ZNF503: variants seen among roughly 807,000 people sequenced by gnomAD.
ZNF503 encodes zinc finger protein 503.
Under a neutral mutation model 34.4 loss-of-function variants are expected in ZNF503, and 15 were observed. That is an observed-to-expected ratio of 0.44 (90% confidence interval 0.29 to 0.67). ZNF503 has a LOEUF of 0.67. Ranked by LOEUF, ZNF503 falls within the 30% of genes least tolerant of loss-of-function variation. The pLI, the probability that ZNF503 is intolerant of heterozygous loss-of-function variation, is 0.13. For synonymous variants in ZNF503, 580 were observed against 456.8 expected (o/e 1.27, Z -3.44); for missense variants, 1,007 against 926.8 (o/e 1.09, Z -1.12).
At chr10:75,348,672 C>T in the ZNF503 span, among the ~76,000 whole-genome samples, 17 of 151,816 alleles carry the variant, frequency 1.1e-4, no homozygotes, top group African/African-American at 1.4e-4. Context: ...CCACCACGCC[C>T]GGCTAATTTT....
chr10:75,324,335 T>C, the ZNF503 span, among the ~76,000 whole-genome samples: 1 of 151,666 alleles, frequency 6.6e-6, no homozygotes. Flanking sequence ...TCTGTTTTTT[T>C]TTTGAGACAG....
downstream of ZNF503, among the ~76,000 whole-genome samples, chr10:75,393,006 G>A (rs939365058): frequency 1.3e-5 from 2 of 152,210 alleles, no homozygotes; most frequent in African/African-American, 4.8e-5. Flanking sequence ...AGGTTAGACT[G>A]AACCTAAATC....
At chr10:75,390,140 G>A in the ZNF503 span, among the ~76,000 whole-genome samples, 3 of 150,076 alleles carry the variant, frequency 2.0e-5, no homozygotes, top group African/African-American at 4.9e-5. Context: ...CTCGTGATCC[G>A]CCTGCCTCAG....
At chr10:75,350,507 A>C in the ZNF503 span, 1 of 152,076 alleles carries the variant, frequency 6.6e-6, no homozygotes, top group Non-Finnish European at 1.5e-5. Context: ...TATTTTGCAG[A>C]CCCTTTAAGT....
Position 75,401,202 on chromosome 10 carries a change from G to A in ZNF503, c.218C>T (p.Pro73Leu), listed in dbSNP as rs772597500. The A allele has an allele frequency of 5.2e-5, 83 of 1,608,948 alleles. No individual in the cohort carries two copies. Among genetic ancestry groups the A allele is most frequent in the Non-Finnish European group, 6.7e-5 (79 of 1,177,102 alleles). Residue 73 changes from proline (P) to leucine (L), a missense_variant, in exon 1 of 2, where the codon CCA becomes CTA. Pro to Leu is a moderately conservative substitution (Grantham distance 98, BLOSUM62 -3). Coordinates refer to ENST00000372524, the MANE Select transcript of ZNF503 (RefSeq NM_032772.6). ...CGTCAGCATCTTCAGCACCTTGATT[G>A]GCAGGCGGTTGGCCTGGCGCAGGGG... ...SDPLRQANRLPIKVLKMLTAR... is the reference protein window; with the variant it reads ...SDPLRQANRLLIKVLKMLTAR...
the ZNF503 span, among the ~76,000 whole-genome samples, chr10:75,322,219 G>A: frequency 1.3e-5 from 2 of 151,616 alleles, no homozygotes; most frequent in Non-Finnish European, 2.9e-5. Context: ...CGCCTCCTGG[G>A]TTCAAGTGAT....
the ZNF503 span, among the ~76,000 whole-genome samples, chr10:75,370,778 C>CAAAAAAAAAAAAAAAAAA: frequency 4.4e-5 from 3 of 67,972 alleles, no homozygotes; most frequent in Non-Finnish European, 7.8e-5. Flanking sequence ...GGCTCCATCT[C>CAAAAAAAAAAAAAAAAAA]AAAAAAAAAA....
At chr10:75,306,385 A>G in the ZNF503 span, among the ~76,000 whole-genome samples, 1 of 151,934 alleles carries the variant, frequency 6.6e-6, no homozygotes, top group Non-Finnish European at 1.5e-5. Flanking sequence ...TCATTTTTGA[A>G]TTGGTTTGTC....
chr10:75,322,946 A>G, the ZNF503 span, among the ~76,000 whole-genome samples: 1 of 152,188 alleles, frequency 6.6e-6, no homozygotes, highest in Non-Finnish European at 1.5e-5. Flanking sequence ...TACATACAGT[A>G]AATTTTATTC....
At chr10:75,349,277 T>A in the ZNF503 span, among the ~76,000 whole-genome samples, 2 of 152,352 alleles carry the variant, frequency 1.3e-5, no homozygotes, top group African/African-American at 2.4e-5. Flanking sequence ...CAGTCTTTTT[T>A]AATGTAGAAC....
At chr10:75,342,183 G>A in the ZNF503 span, among the ~76,000 whole-genome samples, 1 of 152,094 alleles carries the variant, frequency 6.6e-6, no homozygotes, top group Non-Finnish European at 1.5e-5. Flanking sequence ...GGCTGGGTGG[G>A]GTGGGGTGGG....
downstream of ZNF503, among the ~76,000 whole-genome samples, chr10:75,396,514 CAA>C (rs145192547): frequency 0.012 from 1,900 of 152,228 alleles, 47 homozygotes; most frequent in African/African-American, 0.043. This position sits in a 1 kb window ranked among gnomAD's most constrained non-coding sequence, Gnocchi z 4.4. Flanking sequence ...TGGAAAATCT[CAA>C]AGTCACCAAT....
the ZNF503 span, among the ~76,000 whole-genome samples, chr10:75,339,021 A>C: frequency 1.3e-5 from 2 of 152,120 alleles, no homozygotes; most frequent in Non-Finnish European, 2.9e-5. Flanking sequence ...TGAGCTCAGG[A>C]GTTTGAGACC....
the ZNF503 span, among the ~76,000 whole-genome samples, chr10:75,343,969 T>C: frequency 6.6e-6 from 1 of 152,190 alleles, no homozygotes; most frequent in Non-Finnish European, 1.5e-5. Context: ...CTTCAGCTGG[T>C]GGTGGCAGGT....
At chr10:75,289,486 G>A in the ZNF503 span, among the ~76,000 whole-genome samples, 1 of 152,218 alleles carries the variant, frequency 6.6e-6, no homozygotes, top group Non-Finnish European at 1.5e-5. Flanking sequence ...GGGCCAACTC[G>A]AAGACTGGGG....
rs573799285 is a variant in ZNF503 at position 75,401,043 on chromosome 10, G to T, written c.315+62C>A. The T allele has an allele frequency of 1.9e-6, 3 of 1,607,760 alleles. 1 individual carries two copies. The South Asian group carries it at 3.3e-5, about 18-fold the overall frequency. On this transcript the variant is annotated intron_variant, in intron 1 of 1. Transcript: ENST00000372524. ...ACCTCCGCCCAGATCCCGAGAAAAA[G>T]AAAGCCCTAGGGTGGCAGCCAGGGT... is the stretch of plus-strand genomic sequence containing the variant.
the ZNF503 span, among the ~76,000 whole-genome samples, chr10:75,375,131 C>CT: frequency 2.6e-5 from 4 of 152,080 alleles, no homozygotes; most frequent in Non-Finnish European, 5.9e-5. Flanking sequence ...GAGCACCCCT[C>CT]TTTTTTTAAA....
chr10:75,356,138 A>C, the ZNF503 span, among the ~76,000 whole-genome samples: 1 of 152,182 alleles, frequency 6.6e-6, no homozygotes. Context: ...AGTTCTGCCC[A>C]ATTTCAAGGA....
chr10:75,282,316 T>C, the ZNF503 span, among the ~76,000 whole-genome samples: 3 of 152,216 alleles, frequency 2.0e-5, no homozygotes, highest in Admixed American at 2.0e-4. Flanking sequence ...AAGCCTTGGC[T>C]GGGGGAATTC....
Sources: gnomAD v4.1 joint callset for allele counts (sites outside exome capture counted in the v4.1 genomes callset) on GRCh38, gnomAD v4.1.1 for gene constraint, Gnocchi (gnomAD v3.1) non-coding constraint, MANE v1.5 for transcripts, NCBI Gene and HGNC (gene_info 2026-07-23, HGNC 2026-07-21) for gene names.